ARHGAP17: variants seen among roughly 807,000 people sequenced by gnomAD.
The protein encoded by ARHGAP17 is Rho GTPase activating protein 17, also known as rho GTPase-activating protein 17.
A neutral mutation model predicts 99.5 loss-of-function variants in ARHGAP17; 57 were observed. The ratio of observed to expected loss-of-function variants is 0.57; its 90% CI spans 0.46 to 0.71. The LOEUF (loss-of-function observed/expected upper bound fraction) is 0.71, where lower values mean the gene tolerates loss of function less well. Ranked by LOEUF, ARHGAP17 falls within the 30% of genes least tolerant of loss-of-function variation. The pLI, the probability that ARHGAP17 is intolerant of heterozygous loss-of-function variation, is 0.00. For synonymous variants in ARHGAP17, 417 were observed against 429.6 expected, an observed-to-expected ratio of 0.97 and a Z score of 0.36; for missense variants, 1,000 against 1,122.4, an observed-to-expected ratio of 0.89 and a Z score of 1.56.
intron 1 of ARHGAP17, among the ~76,000 whole-genome samples, chr16:24,988,791 T>C (rs2052949291): frequency 6.6e-6 from 1 of 152,178 alleles, no homozygotes; most frequent in African/African-American, 2.4e-5. Flanking sequence ...CCACCACCGA[T>C]TCTTGCTTAT....
chr16:24,924,745 C>A (rs1466831807), intron 19 of ARHGAP17, among the ~76,000 whole-genome samples: 1 of 152,004 alleles, frequency 6.6e-6, no homozygotes, highest in Admixed American at 6.6e-5. Flanking sequence ...TGCCTGTAAT[C>A]CCAGCTACTC....
chr16:24,957,914 CT>C (rs1205694361), intron 9 of ARHGAP17, among the ~76,000 whole-genome samples: 1 of 152,100 alleles, frequency 6.6e-6, no homozygotes, highest in African/African-American at 2.4e-5. Flanking sequence ...GCAGGTCACA[CT>C]TTTTTTATAT....
chr16:25,015,036 C>T (rs1050435506), intron 1 of ARHGAP17, among the ~76,000 whole-genome samples, 173 bp downstream of exon 1: 1 of 151,348 alleles, frequency 6.6e-6, no homozygotes, highest in Non-Finnish European at 1.5e-5. Flanking sequence ...GCCTGGAGCG[C>T]GGCGCTCGGG....
chr16:24,957,489 G>A (rs1214711880), intron 9 of ARHGAP17: 4 of 152,212 alleles, frequency 2.6e-5, no homozygotes, highest in African/African-American at 9.7e-5. Context: ...AATCCTTCTT[G>A]AAGAAAAATT....
intron 19 of ARHGAP17, among the ~76,000 whole-genome samples, chr16:24,921,621 C>G (rs1399634708): frequency 1.3e-5 from 2 of 152,138 alleles, no homozygotes; most frequent in Non-Finnish European, 2.9e-5. Flanking sequence ...CTTCCTGTCC[C>G]TACAGTTCTG....
In ARHGAP17 at chr16:25,000,996, T is replaced by C. The variant is rs185983821; in HGVS notation, c.53+14213A>G. On this transcript the variant is annotated intron_variant, in intron 1 of 19. Transcript: ENST00000289968. ...AATTCATATTACAACACTTGTATTTTAGCAGGATTTAAATAGTCCTTATCA... is the reference window on the plus strand; with the variant it reads ...AATTCATATTACAACACTTGTATTTCAGCAGGATTTAAATAGTCCTTATCA... Among the ~76,000 whole-genome samples the C allele has an allele frequency of 2.6e-5, 4 of 152,338 alleles. No individual in the cohort carries two copies. The East Asian group carries it at 5.8e-4, about 22-fold the overall frequency.
intron 7 of ARHGAP17, among the ~76,000 whole-genome samples, chr16:24,962,274 G>A (rs916848373): frequency 6.6e-6 from 1 of 152,194 alleles, no homozygotes; most frequent in African/African-American, 2.4e-5. Context: ...TGACCAAGGT[G>A]TCTGAAGCCT....
chr16:24,923,742 A>T (rs909652097), intron 19 of ARHGAP17, among the ~76,000 whole-genome samples: 3 of 151,618 alleles, frequency 2.0e-5, no homozygotes, highest in African/African-American at 7.3e-5. Context: ...AAAAAAAAAA[A>T]AAAAAAGAGA....
At chr16:24,947,419 T>C in intron 14 of ARHGAP17, 63 bp downstream of exon 14, 5 of 1,402,530 alleles carry the variant, frequency 3.6e-6, no homozygotes, top group Non-Finnish European at 5.0e-6. Flanking sequence ...CTGAGTTACA[T>C]TTCTATGCAT....
intron 1 of ARHGAP17, among the ~76,000 whole-genome samples, chr16:25,005,623 G>A (rs1472129699): frequency 1.3e-5 from 2 of 152,174 alleles, no homozygotes; most frequent in South Asian, 4.1e-4. Flanking sequence ...AGGTTCTCAA[G>A]AGACATTTGT....
intron 1 of ARHGAP17, among the ~76,000 whole-genome samples, chr16:25,008,029 G>A (rs938541554): frequency 7.9e-5 from 12 of 152,028 alleles, no homozygotes; most frequent in African/African-American, 2.7e-4. Flanking sequence ...CTGGCACTTC[G>A]GTTTGTGACC....
At chr16:24,991,976 G>A (rs1004591456) in intron 1 of ARHGAP17, among the ~76,000 whole-genome samples, 8 of 152,210 alleles carry the variant, frequency 5.3e-5, no homozygotes, top group Non-Finnish European at 1.2e-4. Flanking sequence ...ACAGATAGAA[G>A]AGTGATTAAC....
At chr16:25,004,850 TAATC>T (rs1255875325) in intron 1 of ARHGAP17, among the ~76,000 whole-genome samples, 2 of 152,200 alleles carry the variant, frequency 1.3e-5, no homozygotes, top group Non-Finnish European at 2.9e-5. Flanking sequence ...CCAATGCAAA[TAATC>T]AATAAGCTGT....
Position 24,952,976 on chromosome 16 carries a change from T to G in ARHGAP17, c.919A>C (p.Thr307Pro). The G allele has an allele frequency of 6.2e-7, 1 of 1,614,192 alleles. No homozygotes were observed. The highest frequency in any genetic ancestry group is 8.5e-7 in the Non-Finnish European group (1 of 1,180,032). ...KKLKAALDCS[T>P]SHLDEFYSDP... is the part of the protein sequence containing the mutation. ...GAATAGAACTCATCCAGGTGAGAAG[T>G]AGAACAGTCCAAAGCAGCTTTCAGC... Residue 307 changes from threonine (T) to proline (P), a missense_variant, in exon 11 of 20, where the codon ACT becomes CCT. Around this residue, in one of 2 missense-constraint regions of ARHGAP17, gnomAD observed 472 missense variants for 611.1 expected, o/e 0.77. Coordinates refer to ENST00000289968, the MANE Select transcript of ARHGAP17 (RefSeq NM_001006634.3).
intron 7 of ARHGAP17, 70 bp downstream of exon 7, chr16:24,964,127 A>C: frequency 9.9e-7 from 1 of 1,005,098 alleles, no homozygotes; most frequent in Non-Finnish European, 1.5e-6. Flanking sequence ...ACATTAAGTA[A>C]CTTACATTTG....
intron 4 of ARHGAP17, among the ~76,000 whole-genome samples, chr16:24,969,527 C>T (rs548235196): frequency 3.3e-5 from 5 of 152,304 alleles, no homozygotes; most frequent in East Asian, 3.9e-4. Context: ...TCAGTATCCT[C>T]GTCTGTAAAA....
At chr16:24,922,825 G>A (rs1234022597) in intron 19 of ARHGAP17, among the ~76,000 whole-genome samples, 3 of 151,838 alleles carry the variant, frequency 2.0e-5, no homozygotes, top group Admixed American at 6.6e-5. Context: ...ACAAGCATAC[G>A]CCACCATGCC....
intron 7 of ARHGAP17, 97 bp downstream of exon 7, chr16:24,964,100 G>T: frequency 3.9e-6 from 3 of 772,188 alleles, no homozygotes; most frequent in Non-Finnish European, 4.0e-6. Context: ...AAAATATTCT[G>T]ATAGAAATTA....
rs571193104 is a variant in ARHGAP17 at position 24,985,600 on chromosome 16, A to G, written c.54-6595T>C. On this transcript the variant is annotated intron_variant, in intron 1 of 19. Transcript: ENST00000289968. ...GTGATTACACTGGGCCCACCTGGCT[A>G]GTCCAGGCTAATCTCCCTTTCCACT... 8.5e-5 allele frequency among the ~76,000 whole-genome samples: 13 copies of G among 152,304 alleles called. 1 individual carries two copies. The highest frequency in any genetic ancestry group is 7.2e-4 in the Admixed American group (11 of 15,292).
Sources: gnomAD v4.1 joint callset for allele counts (sites outside exome capture counted in the v4.1 genomes callset) on GRCh38, gnomAD v4.1.1 for gene constraint, gnomAD v4.1.1 regional missense constraint, MANE v1.5 for transcripts, NCBI Gene and HGNC (gene_info 2026-07-23, HGNC 2026-07-21) for gene names.